Variants in NWD2 observed in about 807,000 individuals in gnomAD.
NWD2 encodes the protein NACHT and WD repeat domain-containing protein 2.
Under a neutral mutation model 132.7 loss-of-function variants are expected in NWD2, and 37 were observed. The ratio of observed to expected loss-of-function variants is 0.28; its 90% CI spans 0.21 to 0.37. The LOEUF is 0.37. Among genes scored for constraint, NWD2 ranks in the 10% least tolerant of loss-of-function variants. The pLI is 1.00. For synonymous variants in NWD2, 705 were observed against 803.0 expected, an observed-to-expected ratio of 0.88 and a Z score of 2.06; for missense variants, 1,592 against 2,122.4, an observed-to-expected ratio of 0.75 and a Z score of 4.91.
chr4:37,343,551 G>A (rs974384710), intron 2 of NWD2, among the ~76,000 whole-genome samples: 2 of 152,192 alleles, frequency 1.3e-5, no homozygotes, highest in Non-Finnish European at 2.9e-5. Flanking sequence ...TGGAATAAAT[G>A]TGTAGCCTTC....
At chr4:37,336,593 C>T (rs190126221) in intron 2 of NWD2, among the ~76,000 whole-genome samples, 2 of 152,244 alleles carry the variant, frequency 1.3e-5, no homozygotes, top group Admixed American at 1.3e-4. Flanking sequence ...TGGAAATTCA[C>T]TTGTATGTGT....
chr4:37,256,812 A>G (rs1292647847), intron 1 of NWD2, among the ~76,000 whole-genome samples: 2 of 152,174 alleles, frequency 1.3e-5, no homozygotes, highest in Non-Finnish European at 1.5e-5. Flanking sequence ...TACCCAAAAA[A>G]GGATAAGAGC....
chr4:37,373,118 C>T (rs570799844), intron 3 of NWD2, among the ~76,000 whole-genome samples: 2 of 152,296 alleles, frequency 1.3e-5, no homozygotes, highest in African/African-American at 4.8e-5. Flanking sequence ...AGGTGCTATT[C>T]TGCATTTTGC....
Position 37,244,788 on chromosome 4 carries a change from C to T in NWD2, c.-280C>T, listed in dbSNP as rs1717191370. The T allele has an allele frequency of 3.6e-5, 14 of 384,642 alleles. No homozygotes were observed. The South Asian group carries it at 6.9e-4, about 19-fold the overall frequency. The allele number at this position is 384,642 out of a possible 1,614,324, so 23.8% of individuals were successfully genotyped here. A position where few individuals can be genotyped will look rare whatever the true frequency, so the allele number is the denominator to read the frequency against. On this transcript the variant is annotated 5_prime_UTR_variant, in exon 1 of 7. Coordinates refer to ENST00000309447, the MANE Select transcript of NWD2 (RefSeq NM_001144990.2). The surrounding 1 kb of genome is among the most constrained non-coding windows in gnomAD (Gnocchi z 5.5). ...GCCGCCGCCACGCTGACCTCCCGCT[C>T]CAGCTGGCTGCTGCTCGGAGCCCTA... is the stretch of plus-strand genomic sequence containing the variant.
At chr4:37,382,421 T>C (rs2109308943) in intron 3 of NWD2, among the ~76,000 whole-genome samples, 1 of 152,278 alleles carries the variant, frequency 6.6e-6, no homozygotes. Context: ...GAGGATGTTT[T>C]TCCCTAGGTG....
intron 1 of NWD2, among the ~76,000 whole-genome samples, chr4:37,246,258 A>G (rs900022992): frequency 5.3e-5 from 8 of 152,292 alleles, no homozygotes; most frequent in African/African-American, 1.4e-4. Flanking sequence ...TCATTTGAAA[A>G]CCCAAGGTTC....
intron 3 of NWD2, among the ~76,000 whole-genome samples, chr4:37,395,503 G>C (rs1426834971): frequency 7.4e-6 from 1 of 135,136 alleles, no homozygotes; most frequent in Non-Finnish European, 1.5e-5. Context: ...AGTTTAAAGG[G>C]TCTGCCTCTC....
At chr4:37,341,698 G>T (rs989415793) in intron 2 of NWD2, among the ~76,000 whole-genome samples, 6 of 152,148 alleles carry the variant, frequency 3.9e-5, no homozygotes, top group Admixed American at 3.9e-4. Flanking sequence ...CTTGTTTCCT[G>T]TGTGACTTTG....
At chr4:37,251,336 T>C (rs1201128324) in intron 1 of NWD2, among the ~76,000 whole-genome samples, 4 of 152,230 alleles carry the variant, frequency 2.6e-5, no homozygotes, top group African/African-American at 9.6e-5. Context: ...GGGACCACTG[T>C]TATATACGTG....
In NWD2 at chr4:37,295,577, G is replaced by T. The variant is rs1271735145; in HGVS notation, c.152-30359G>T. On this transcript the variant is annotated intron_variant, in intron 1 of 6. Transcript: ENST00000309447. ...CCCTATAAGTATTTAATCATCATTT[G>T]TCTTATAGGTTAGGCACAAAATCTG... 3.9e-5 allele frequency among the ~76,000 whole-genome samples: 6 copies of T among 152,086 alleles called. No individual in the cohort carries two copies. In the East Asian group the frequency reaches 1.2e-3, roughly 29 times the overall value.
At position 37,350,659 on chromosome 4, in the gene NWD2, T is replaced by G. The variant is rs545015654; in HGVS notation, c.241-5707T>G. On this transcript the variant is annotated intron_variant, in intron 2 of 6. Coordinates refer to ENST00000309447, the MANE Select transcript of NWD2 (RefSeq NM_001144990.2). The stretch of plus-strand genomic sequence containing the variant: ...GACAATTGGACCTCCTCTCTTCTTA[T>G]CTGAATACCCTTTATTGCCTTCTTT... Among the ~76,000 whole-genome samples the G allele has an allele frequency of 5.9e-5, 9 of 152,220 alleles. No individual in the cohort carries two copies. In the East Asian group the frequency reaches 1.7e-3, roughly 30 times the overall value.
At chr4:37,270,210 A>G (rs1717838056) in intron 1 of NWD2, among the ~76,000 whole-genome samples, 1 of 151,862 alleles carries the variant, frequency 6.6e-6, no homozygotes, top group African/African-American at 2.4e-5. Flanking sequence ...AACTTGAATA[A>G]GGTTAACCAT....
intron 1 of NWD2, among the ~76,000 whole-genome samples, chr4:37,282,318 GA>G (rs879313625): frequency 6.6e-6 from 1 of 151,838 alleles, no homozygotes. Context: ...CTTGAGGTAG[GA>G]AAAAAAATGC....
intron 3 of NWD2, among the ~76,000 whole-genome samples, chr4:37,383,659 T>G (rs2109309329): frequency 6.6e-6 from 1 of 152,344 alleles, no homozygotes; most frequent in Admixed American, 6.5e-5. Context: ...TCTTTGAGTG[T>G]TATATGCTGC....
chr4:37,425,814 C>T (rs971848337), intron 3 of NWD2, among the ~76,000 whole-genome samples: 1 of 152,152 alleles, frequency 6.6e-6, no homozygotes, highest in Non-Finnish European at 1.5e-5. Context: ...TACTCTATTG[C>T]CAGTGAACAG....
intron 1 of NWD2, 136 bp from the exon 2 acceptor site, chr4:37,325,800 A>C: frequency 1.7e-6 from 1 of 577,552 alleles, no homozygotes; most frequent in East Asian, 3.1e-5. Context: ...CAACAGCCAA[A>C]TATCCTGTTA....
At chr4:37,401,960 A>G (rs976401702) in intron 3 of NWD2, among the ~76,000 whole-genome samples, 9 of 152,202 alleles carry the variant, frequency 5.9e-5, no homozygotes, top group Non-Finnish European at 8.8e-5. Context: ...CTGAAATTCA[A>G]TTGTCATTGT....
At chr4:37,282,073 A>G (rs978802651) in intron 1 of NWD2, among the ~76,000 whole-genome samples, 1 of 152,200 alleles carries the variant, frequency 6.6e-6, no homozygotes, top group Non-Finnish European at 1.5e-5. Flanking sequence ...AATATTTTAG[A>G]GCAATTATGC....
At chr4:37,384,308 A>G (rs1175148770) in intron 3 of NWD2, among the ~76,000 whole-genome samples, 3 of 152,164 alleles carry the variant, frequency 2.0e-5, no homozygotes, top group African/African-American at 7.2e-5. Context: ...ACCATTGTCA[A>G]ACTGCAGCAC....
Sources: gnomAD v4.1 joint callset for allele counts (sites outside exome capture counted in the v4.1 genomes callset) on GRCh38, gnomAD v4.1.1 for gene constraint, Gnocchi (gnomAD v3.1) non-coding constraint, MANE v1.5 for transcripts, NCBI Gene and HGNC (gene_info 2026-07-23, HGNC 2026-07-21) for gene names.